SGK1: variants seen among roughly 807,000 people sequenced by gnomAD.
The protein encoded by SGK1 is serum/glucocorticoid regulated kinase 1.
A neutral mutation model predicts 64.2 loss-of-function variants in SGK1; 26 were observed. The ratio of observed to expected loss-of-function variants is 0.40; its 90% confidence interval spans 0.30 to 0.56. The LOEUF (loss-of-function observed/expected upper bound fraction) is 0.56. Ranked by LOEUF, SGK1 falls within the 20% of genes least tolerant of loss-of-function variation. The pLI, the probability that SGK1 is intolerant of heterozygous loss-of-function variation, is 0.38. For missense variants in SGK1, 519 were observed against 645.6 expected (o/e 0.80, Z 2.12); for synonymous variants, 265 against 239.7 (o/e 1.11, Z -0.98).
chr6:134,279,080 C>T (rs970993660), intron 1 of SGK1, among the ~76,000 whole-genome samples: 1 of 152,096 alleles, frequency 6.6e-6, no homozygotes, highest in Non-Finnish European at 1.5e-5. Context: ...TGGTGGCATG[C>T]ACCTGGAGTC....
intron 2 of SGK1, among the ~76,000 whole-genome samples, chr6:134,255,574 A>ATTTTTTTTTTTTTTTTTTTTTTT (rs11318242): frequency 1.3e-5 from 1 of 78,852 alleles, no homozygotes; most frequent in Non-Finnish European, 2.5e-5. Context: ...AGAGATTTTG[A>ATTTTTTTTTTTTTTTTTTTTTTT]TTTTTTTTTT....
intron 2 of SGK1, among the ~76,000 whole-genome samples, chr6:134,254,114 C>CT (rs57975960): frequency 0.49 from 62,279 of 126,492 alleles, 16,317 homozygotes; most frequent in Non-Finnish European, 0.61. Context: ...CTAGTCTCTC[C>CT]TTTTTTTTTT....
intron 3 of SGK1, among the ~76,000 whole-genome samples, chr6:134,206,816 G>A (rs1283320389): frequency 2.2e-4 from 32 of 148,406 alleles, no homozygotes; most frequent in East Asian, 8.0e-4. Flanking sequence ...GCAGTGAGCC[G>A]AGATCGTACC....
intron 2 of SGK1, among the ~76,000 whole-genome samples, chr6:134,241,769 C>T (rs1361085876): frequency 1.3e-5 from 2 of 152,004 alleles, no homozygotes; most frequent in African/African-American, 4.8e-5. Context: ...TACAGGCGCC[C>T]GCCACCACAC....
chr6:134,195,779 G>T (rs1359396480), intron 3 of SGK1, among the ~76,000 whole-genome samples: 1 of 152,086 alleles, frequency 6.6e-6, no homozygotes, highest in Non-Finnish European at 1.5e-5. Flanking sequence ...TCTATTTCCA[G>T]GAAGCTTATC....
At chr6:134,170,981 C>A (rs1309121166) in intron 12 of SGK1, 42 bp downstream of exon 12, 2 of 1,611,742 alleles carry the variant, frequency 1.2e-6, no homozygotes, top group Non-Finnish European at 1.7e-6. Context: ...AGGTCTAGTG[C>A]ACGTCCCGGC....
At chr6:134,177,647 T>A (rs1182705268) in intron 3 of SGK1, 1 of 1,610,834 alleles carries the variant, frequency 6.2e-7, no homozygotes, top group South Asian at 1.1e-5. Flanking sequence ...CAAAATATAG[T>A]ACGGTAAGTA....
chr6:134,246,208 G>A (rs1286976507), intron 2 of SGK1, among the ~76,000 whole-genome samples: 1 of 151,742 alleles, frequency 6.6e-6, no homozygotes, highest in Admixed American at 6.6e-5. Context: ...GAGTACAATA[G>A]CACTATCTCG....
At chr6:134,208,755 T>G (rs571306981) in intron 2 of SGK1, among the ~76,000 whole-genome samples, 16 of 72,358 alleles carry the variant, frequency 2.2e-4, no homozygotes, top group African/African-American at 4.3e-4. Context: ...CGTATATATA[T>G]ATATACACAT....
intron 1 of SGK1, among the ~76,000 whole-genome samples, chr6:134,280,605 C>G (rs910829131): frequency 6.6e-6 from 1 of 152,142 alleles, no homozygotes; most frequent in Non-Finnish European, 1.5e-5. Context: ...TGTGTTCCTC[C>G]CTAGATTGTA....
intron 3 of SGK1, among the ~76,000 whole-genome samples, chr6:134,183,618 AT>A (rs1405456605): frequency 3.9e-5 from 6 of 152,164 alleles, no homozygotes; most frequent in African/African-American, 1.4e-4. Context: ...CTATGCCTTA[AT>A]GTCATTAAAG....
intron 3 of SGK1, chr6:134,174,829 A>T: frequency 6.2e-7 from 1 of 1,613,864 alleles, no homozygotes; most frequent in Non-Finnish European, 8.5e-7. Flanking sequence ...GGAGACAGAA[A>T]GACGTTAGCG....
intron 3 of SGK1, among the ~76,000 whole-genome samples, chr6:134,186,892 C>T (rs886148131): frequency 6.6e-6 from 1 of 151,406 alleles, no homozygotes; most frequent in African/African-American, 2.4e-5. Flanking sequence ...TCTCGGCTTG[C>T]TGCAACCTCT....
chr6:134,173,482 C>T lies in SGK1; in HGVS notation c.598G>A (p.Gly200Arg), dbSNP rs2114636249. ...ATTACCTTTCCAAAACTGCCCTTTC[C>T]GATCACTTTCAAGAAGTGAAAGTCA... ...PSDFHFLKVI[G>R]KGSFGKVLLA... The change falls in exon 6 of 14, where the codon GGA becomes AGA. Residue 200 changes from glycine (G) to arginine (R), a missense_variant. By Grantham distance (125) the Gly-to-Arg change is moderately radical. Coordinates refer to ENST00000367858, the MANE Select transcript of SGK1 (RefSeq NM_001143676.3). 6.2e-7 allele frequency: 1 copy of T among 1,612,030 alleles called. No individual in the cohort carries two copies. The highest frequency in any genetic ancestry group is 8.5e-7 in the Non-Finnish European group (1 of 1,179,282).
At chr6:134,197,127 G>C (rs1562247400) in intron 3 of SGK1, among the ~76,000 whole-genome samples, 1 of 152,098 alleles carries the variant, frequency 6.6e-6, no homozygotes, top group African/African-American at 2.4e-5. Flanking sequence ...CAGCTACTTG[G>C]GGGGCTGAGA....
At chr6:134,178,023 CTT>C in intron 3 of SGK1, 1 of 571,430 alleles carries the variant, frequency 1.7e-6, no homozygotes, top group South Asian at 2.3e-5. Context: ...AGAAATGTAA[CTT>C]AACTGATTAT....
At chr6:134,272,232 C>G (rs536953090) in intron 1 of SGK1, among the ~76,000 whole-genome samples, 1 of 145,502 alleles carries the variant, frequency 6.9e-6, no homozygotes, top group South Asian at 2.3e-4. Flanking sequence ...CCTCCCGTTC[C>G]TGGGTTCAAG....
chr6:134,284,802 C>A (rs750099322), intron 1 of SGK1, among the ~76,000 whole-genome samples: 2 of 152,062 alleles, frequency 1.3e-5, no homozygotes, highest in African/African-American at 4.8e-5. Context: ...GTTTTCCATT[C>A]CCGAGTTATT....
chr6:134,197,467 T>C lies in SGK1; in HGVS notation c.361+9889A>G, dbSNP rs138475733. The stretch of plus-strand genomic sequence containing the variant: ...GACCAGCCATCTGTAGTTCAGTTAA[T>C]AGGTCAAGAATATCAGCAGCTATTG... On this transcript the variant is annotated intron_variant, in intron 3 of 13. Transcript: ENST00000367858. 2.5e-4 allele frequency among the ~76,000 whole-genome samples: 38 copies of C among 152,246 alleles called. 2 individuals are homozygous for C. The East Asian group carries it at 7.0e-3, about 28-fold the overall frequency.
Sources: allele counts gnomAD v4.1 joint callset (sites outside exome capture counted in the v4.1 genomes callset), GRCh38; gene constraint gnomAD v4.1.1; transcripts MANE v1.5; gene names NCBI Gene and HGNC (gene_info 2026-07-23, HGNC 2026-07-21).